The following GRIK2 variants were observed in gnomAD, a reference collection of about 807,000 sequenced individuals.
GRIK2 encodes glutamate receptor ionotropic, kainate 2.
GRIK2 carries 32 observed loss-of-function variants against 100.3 expected under a neutral mutation model. The ratio of observed to expected loss-of-function variants is 0.32; its 90% CI spans 0.24 to 0.43. The LOEUF is 0.43. Among genes scored for constraint, GRIK2 ranks in the 20% least tolerant of loss-of-function variants. GRIK2 has a pLI of 1.00. For synonymous variants in GRIK2, 417 were observed against 389.4 expected (o/e 1.07, Z -0.83); for missense variants, 843 against 1,114.9 (o/e 0.76, Z 3.47).
At chr6:101,805,491 G>A (rs1168026781) in intron 9 of GRIK2, among the ~76,000 whole-genome samples, 1 of 151,872 alleles carries the variant, frequency 6.6e-6, no homozygotes, top group Non-Finnish European at 1.5e-5. Context: ...AATAAAGAAG[G>A]AAAACATGTA....
At chr6:101,561,169 T>C (rs1263489559) in intron 2 of GRIK2, among the ~76,000 whole-genome samples, 7 of 152,190 alleles carry the variant, frequency 4.6e-5, no homozygotes, top group Non-Finnish European at 8.8e-5. Flanking sequence ...GTGTTTGATG[T>C]TTGAGATAAC....
At chr6:101,446,168 A>G (rs1366162629) in intron 2 of GRIK2, among the ~76,000 whole-genome samples, 1 of 151,898 alleles carries the variant, frequency 6.6e-6, no homozygotes, top group East Asian at 1.9e-4. Flanking sequence ...AGATTCTATG[A>G]TCCTGGTATC....
chr6:101,600,515 G>T (rs753017885), intron 2 of GRIK2, among the ~76,000 whole-genome samples: 10 of 151,940 alleles, frequency 6.6e-5, no homozygotes, highest in Admixed American at 1.3e-4. Flanking sequence ...TAGCAATATT[G>T]GTTCTTTCAA....
chr6:101,701,318 T>C (rs1772878105), intron 7 of GRIK2, among the ~76,000 whole-genome samples: 1 of 152,026 alleles, frequency 6.6e-6, no homozygotes, highest in Non-Finnish European at 1.5e-5. Flanking sequence ...TGCCCTTGTT[T>C]CTCAGTAGTC....
chr6:101,581,768 G>C (rs1472012376), intron 2 of GRIK2, among the ~76,000 whole-genome samples: 1 of 152,066 alleles, frequency 6.6e-6, no homozygotes, highest in Admixed American at 6.6e-5. Flanking sequence ...TAAACTCTTA[G>C]AAGTAAAATA....
intron 7 of GRIK2, among the ~76,000 whole-genome samples, chr6:101,726,274 G>A (rs1460277913): frequency 6.6e-6 from 1 of 151,960 alleles, no homozygotes; most frequent in Non-Finnish European, 1.5e-5. Flanking sequence ...AGAAAATCAA[G>A]ACTTGCTAGT....
At position 101,859,341 on chromosome 6, in the gene GRIK2, C is replaced by T. The variant is rs1271066576; in HGVS notation, c.1372C>T (p.Arg458Ter). The change falls in exon 11 of 17, where the codon CGA (arginine) becomes TGA (stop). Residue 458 changes from arginine (R) to a stop codon, truncating the protein, a stop_gained. Transcript: ENST00000369134. LOFTEE classifies it high-confidence loss of function. ...TGACAAACCTCTCTATGGTAATGAT[C>T]GATTTGAAGGCTATTGCATTGATCT... ...KSDKPLYGND[R>*]FEGYCIDLLR... is the part of the protein sequence containing the mutation. The T allele has an allele frequency of 6.2e-7, 1 of 1,604,256 alleles. No homozygotes were observed. Among genetic ancestry groups the T allele is most frequent in the Non-Finnish European group, 8.5e-7 (1 of 1,171,488 alleles).
At chr6:101,989,530 G>A (rs1794237944) in intron 14 of GRIK2, among the ~76,000 whole-genome samples, 3 of 123,280 alleles carry the variant, frequency 2.4e-5, no homozygotes, top group African/African-American at 9.0e-5. Flanking sequence ...AGGAAAAAAA[G>A]CAAATGAAAA....
At chr6:101,993,958 A>G (rs948960725) in intron 14 of GRIK2, 8 of 146,002 alleles carry the variant, frequency 5.5e-5, no homozygotes, top group East Asian at 4.7e-4. Flanking sequence ...AAACAAATGT[A>G]TATATCTATA....
At chr6:101,896,645 C>A (rs1288772335) in intron 12 of GRIK2, among the ~76,000 whole-genome samples, 1 of 151,484 alleles carries the variant, frequency 6.6e-6, no homozygotes, top group Non-Finnish European at 1.5e-5. Flanking sequence ...AAATTATTGG[C>A]CTCTGTATCC....
At chr6:101,458,796 T>A (rs936473255) in intron 2 of GRIK2, among the ~76,000 whole-genome samples, 20 of 152,182 alleles carry the variant, frequency 1.3e-4, no homozygotes, top group African/African-American at 3.4e-4. Flanking sequence ...TATTACCATG[T>A]CAAATTTTTC....
intron 2 of GRIK2, among the ~76,000 whole-genome samples, chr6:101,409,375 C>T (rs1349725355): frequency 6.6e-6 from 1 of 151,932 alleles, no homozygotes; most frequent in African/African-American, 2.4e-5. Context: ...GATGTTCACA[C>T]AATGATGAAA....
chr6:101,572,630 A>G (rs1047805842), intron 2 of GRIK2, among the ~76,000 whole-genome samples: 2 of 151,858 alleles, frequency 1.3e-5, no homozygotes, highest in African/African-American at 2.4e-5. Flanking sequence ...TGACTCAAGC[A>G]TAAGGGGAAG....
intron 14 of GRIK2, among the ~76,000 whole-genome samples, chr6:101,948,633 G>T (rs1791427070): frequency 6.6e-6 from 1 of 150,962 alleles, no homozygotes; most frequent in African/African-American, 2.4e-5. Flanking sequence ...AATGTTAAAA[G>T]GTTTTTTTAT....
intron 7 of GRIK2, among the ~76,000 whole-genome samples, chr6:101,738,376 A>ATGCTTTCAGAAGC (rs1474905363): frequency 6.6e-6 from 1 of 152,096 alleles, no homozygotes; most frequent in African/African-American, 2.4e-5. Context: ...AAGCAGCTTA[A>ATGCTTTCAGAAGC]AGTTACATGG....
intron 15 of GRIK2, among the ~76,000 whole-genome samples, chr6:102,051,409 A>T (rs955383870): frequency 1.3e-5 from 2 of 152,054 alleles, no homozygotes; most frequent in African/African-American, 4.8e-5. Context: ...CTTACTGTGA[A>T]TATGGAGAAT....
chr6:101,817,989 T>C (rs1332198154), intron 9 of GRIK2, among the ~76,000 whole-genome samples: 1 of 152,236 alleles, frequency 6.6e-6, no homozygotes, highest in Non-Finnish European at 1.5e-5. Flanking sequence ...GCTTTGTCTG[T>C]ATAATATGGC....
intron 2 of GRIK2, among the ~76,000 whole-genome samples, chr6:101,610,469 G>A (rs1437433627): frequency 6.6e-6 from 1 of 151,564 alleles, no homozygotes; most frequent in Non-Finnish European, 1.5e-5. Context: ...ATATTTTATT[G>A]ATTGAATTTC....
At chr6:102,033,069 A>G (rs1294811582) in intron 14 of GRIK2, among the ~76,000 whole-genome samples, 1 of 151,264 alleles carries the variant, frequency 6.6e-6, no homozygotes, top group Non-Finnish European at 1.5e-5. Context: ...AATCATTAAC[A>G]TCATTGTGTT....
Sources: gnomAD v4.1 joint callset for allele counts (sites outside exome capture counted in the v4.1 genomes callset) on GRCh38, gnomAD v4.1.1 for gene constraint, MANE v1.5 for transcripts, NCBI Gene and HGNC (gene_info 2026-07-23, HGNC 2026-07-21) for gene names.